Variants in IL1RAPL2 observed in about 807,000 individuals in gnomAD.
The protein encoded by IL1RAPL2 is X-linked interleukin-1 receptor accessory protein-like 2.
A neutral mutation model predicts 44.1 loss-of-function variants in IL1RAPL2; 3 were observed. The observed-to-expected ratio is 0.07, with a 90% confidence interval of 0.03 to 0.18. IL1RAPL2 has a LOEUF of 0.18. Among genes scored for constraint, IL1RAPL2 ranks in the 10% least tolerant of loss-of-function variants. The pLI is 1.00. For synonymous variants in IL1RAPL2, 181 were observed against 178.8 expected (o/e 1.01, Z -0.10); for missense variants, 391 against 496.4 (o/e 0.79, Z 2.02).
chrX:105,373,919 G>A (rs1012193887), intron 5 of IL1RAPL2, among the ~76,000 whole-genome samples: 1 of 109,447 alleles, frequency 9.1e-6, no homozygotes, highest in Non-Finnish European at 1.9e-5. Flanking sequence ...AGGAGTTCAA[G>A]ACCAGCCTGG....
At chrX:105,268,842 A>G (rs1369658188) in intron 5 of IL1RAPL2, among the ~76,000 whole-genome samples, 1 of 111,369 alleles carries the variant, frequency 9.0e-6, no homozygotes, top group East Asian at 2.8e-4. Flanking sequence ...CTTACCACAA[A>G]AATAAACATA....
Position 105,480,599 on chromosome X carries a change from C to T in IL1RAPL2, c.698-3714C>T, listed in dbSNP as rs189977241. ...CAGCAAATTCAAAGATTAGCTCAGA[C>T]CCCAATTAGTCCCCCTTGAGGTCCA... On this transcript the variant is annotated intron_variant, in intron 5 of 10. Coordinates refer to ENST00000372582, the MANE Select transcript of IL1RAPL2 (RefSeq NM_017416.2). Among the ~76,000 whole-genome samples, 857 of 112,163 alleles carry T rather than the reference C, an allele frequency of 7.6e-3. 26 individuals are homozygous for T. Among genetic ancestry groups the T allele is most frequent in the Admixed American group, 0.073 (770 of 10,574 alleles).
chrX:104,889,948 C>G lies in IL1RAPL2; in HGVS notation c.82+230953C>G, dbSNP rs138972865. ...GTATCTCCTAATGCTATCCCTCCCC[C>G]CTACCCCCAACCCAAGACAGGTCCT... On this transcript the variant is annotated intron_variant, in intron 2 of 10. Transcript: ENST00000372582. Among the ~76,000 whole-genome samples, 158 of 110,835 alleles carry G rather than the reference C, an allele frequency of 1.4e-3. 1 individual carries two copies. The highest frequency in any genetic ancestry group is 5.1e-3 in the African/African-American group (154 of 30,425).
At chrX:104,874,664 C>T (rs972300982) in intron 2 of IL1RAPL2, among the ~76,000 whole-genome samples, 2 of 111,399 alleles carry the variant, frequency 1.8e-5, no homozygotes, top group Non-Finnish European at 3.8e-5. Context: ...TATAAATCTG[C>T]ACACTGACCA....
At chrX:104,786,604 A>C (rs1193819553) in intron 2 of IL1RAPL2, among the ~76,000 whole-genome samples, 1 of 111,486 alleles carries the variant, frequency 9.0e-6, no homozygotes, top group Non-Finnish European at 1.9e-5. Flanking sequence ...CTTCTGGACT[A>C]GTACTCTTTA....
intron 5 of IL1RAPL2, among the ~76,000 whole-genome samples, chrX:105,303,751 C>A (rs889025281): frequency 8.9e-6 from 1 of 112,211 alleles, no homozygotes; most frequent in Non-Finnish European, 1.9e-5. Context: ...TGGCGTACTT[C>A]CCTCTAACAG....
At chrX:104,660,425 A>G (rs1489932383) in intron 2 of IL1RAPL2, among the ~76,000 whole-genome samples, 1 of 109,402 alleles carries the variant, frequency 9.1e-6, no homozygotes, top group Non-Finnish European at 1.9e-5. Context: ...AGTCATCTGT[A>G]TTATGGTAGC....
At chrX:105,669,737 T>C (rs1294612443) in intron 6 of IL1RAPL2, among the ~76,000 whole-genome samples, 1 of 110,408 alleles carries the variant, frequency 9.1e-6, no homozygotes, top group East Asian at 2.9e-4. Flanking sequence ...AAATCCTTCA[T>C]GTTGCACTTC....
intron 2 of IL1RAPL2, among the ~76,000 whole-genome samples, chrX:104,967,541 G>A (rs2030150351): frequency 9.0e-6 from 1 of 110,639 alleles, no homozygotes; most frequent in African/African-American, 3.3e-5. Context: ...AAGAAAATAA[G>A]AGGAGGACAG....
rs905650459 is a variant in IL1RAPL2 at position 105,401,660 on chromosome X, G to A, written c.698-82653G>A. On this transcript the variant is annotated intron_variant, in intron 5 of 10. Transcript: ENST00000372582. The stretch of plus-strand genomic sequence containing the variant: ...CTTTATGAAGCCATTAAGAAGTTAT[G>A]AAGGTATCTAGAGATAGAGATCATC... Among the ~76,000 whole-genome samples the A allele has an allele frequency of 7.2e-5, 8 of 110,645 alleles. No individual in the cohort carries two copies. In the East Asian group the frequency reaches 2.3e-3, roughly 32 times the overall value.
chrX:105,753,487 A>C (rs139094327), intron 9 of IL1RAPL2, among the ~76,000 whole-genome samples: 1,691 of 111,439 alleles, frequency 0.015, 35 homozygotes, highest in African/African-American at 0.052. Context: ...TATCATCGGC[A>C]GCCCTGAGTC....
At chrX:105,354,991 G>A (rs2035190600) in intron 5 of IL1RAPL2, among the ~76,000 whole-genome samples, 1 of 111,512 alleles carries the variant, frequency 9.0e-6, no homozygotes, top group Non-Finnish European at 1.9e-5. Flanking sequence ...TACCAATATT[G>A]AGTTAATCAC....
chrX:105,560,970 G>A (rs1189082750), intron 6 of IL1RAPL2, among the ~76,000 whole-genome samples: 3 of 110,862 alleles, frequency 2.7e-5, no homozygotes, highest in South Asian at 3.7e-4. Flanking sequence ...AATTCCTGTC[G>A]TTCACAGCAA....
At chrX:105,756,117 A>T (rs1043880679) in intron 10 of IL1RAPL2, among the ~76,000 whole-genome samples, 3 of 112,097 alleles carry the variant, frequency 2.7e-5, no homozygotes, top group Admixed American at 1.9e-4. Flanking sequence ...TTTGCATATA[A>T]GTACTAATAT....
chrX:104,754,201 A>T (rs1932307771), intron 2 of IL1RAPL2, among the ~76,000 whole-genome samples: 1 of 111,239 alleles, frequency 9.0e-6, no homozygotes, highest in African/African-American at 3.3e-5. Flanking sequence ...GTTTCCAAGG[A>T]GCCAGTTAAT....
chrX:105,246,838 G>A (rs962294452), intron 4 of IL1RAPL2, among the ~76,000 whole-genome samples: 1 of 111,312 alleles, frequency 9.0e-6, no homozygotes, highest in African/African-American at 3.3e-5. Context: ...ATCTTTTTAT[G>A]TAACAGCACA....
intron 2 of IL1RAPL2, among the ~76,000 whole-genome samples, chrX:104,685,981 A>G (rs1930981758): frequency 9.0e-6 from 1 of 110,949 alleles, no homozygotes; most frequent in Non-Finnish European, 1.9e-5. Flanking sequence ...ACTTAAAAAA[A>G]AAGAACATCC....
intron 2 of IL1RAPL2, among the ~76,000 whole-genome samples, chrX:104,676,799 C>G (rs935005199): frequency 2.0e-4 from 22 of 111,338 alleles, no homozygotes; most frequent in African/African-American, 7.2e-4. Context: ...TTGCTCATTT[C>G]TTTTTATTCT....
intron 1 of IL1RAPL2, among the ~76,000 whole-genome samples, chrX:104,600,744 C>T (rs1203525348): frequency 9.0e-6 from 1 of 111,288 alleles, no homozygotes. Flanking sequence ...GGTTAGCTTC[C>T]AATTATAAGT....
Sources: allele counts gnomAD v4.1 joint callset (sites outside exome capture counted in the v4.1 genomes callset), GRCh38; gene constraint gnomAD v4.1.1; transcripts MANE v1.5; gene names NCBI Gene and HGNC (gene_info 2026-07-23, HGNC 2026-07-21).